The following PIK3C2G variants were observed in gnomAD, a reference collection of about 807,000 sequenced individuals.
PIK3C2G encodes phosphatidylinositol-4-phosphate 3-kinase catalytic subunit type 2 gamma.
Under a neutral mutation model 181.1 loss-of-function variants are expected in PIK3C2G, and 168 were observed. The ratio of observed to expected loss-of-function variants is 0.93; its 90% CI spans 0.82 to 1.05. The LOEUF (loss-of-function observed/expected upper bound fraction) is 1.05, where lower values mean the gene tolerates loss of function less well. Ranked by LOEUF, PIK3C2G falls within the 50% of genes least tolerant of loss-of-function variation. The pLI is 0.00. For synonymous variants in PIK3C2G, 573 were observed against 592.2 expected (o/e 0.97, Z 0.47); for missense variants, 1,869 against 1,732.8 (o/e 1.08, Z -1.40).
chr12:18,345,697 GT>G (rs758785146), intron 10 of PIK3C2G, among the ~76,000 whole-genome samples: 1 of 152,032 alleles, frequency 6.6e-6, no homozygotes, highest in Non-Finnish European at 1.5e-5. Flanking sequence ...CTTATAAAGT[GT>G]TTATTTCTAG....
Position 18,392,790 on chromosome 12 carries a change from G to T in PIK3C2G, c.2126+1538G>T, listed in dbSNP as rs531542278. Among the ~76,000 whole-genome samples the T allele has an allele frequency of 1.5e-4, 23 of 152,174 alleles. No individual in the cohort carries two copies. The South Asian group carries it at 4.6e-3, about 30-fold the overall frequency. ...TCTTGTTTATCACTATATTTCTAAT[G>T]CTATACACTGATAACAATGTGTGTG... On this transcript the variant is annotated intron_variant, in intron 15 of 32. Coordinates refer to ENST00000538779, the MANE Select transcript of PIK3C2G (RefSeq NM_001288772.2).
chr12:18,375,844 AC>A (rs1408542130), intron 13 of PIK3C2G, among the ~76,000 whole-genome samples: 1 of 152,182 alleles, frequency 6.6e-6, no homozygotes, highest in Admixed American at 6.5e-5. Flanking sequence ...CCAGCTTCAG[AC>A]CAAAGGGGCG....
the PIK3C2G span, among the ~76,000 whole-genome samples, chr12:18,721,072 T>A: frequency 7.9e-5 from 12 of 152,236 alleles, no homozygotes; most frequent in South Asian, 2.1e-3. Context: ...AAATGAATCA[T>A]GCATTGTAAC....
intron 6 of PIK3C2G, among the ~76,000 whole-genome samples, 165 bp downstream of exon 6, chr12:18,314,229 T>A: frequency 6.6e-6 from 1 of 152,136 alleles, no homozygotes; most frequent in East Asian, 1.9e-4. Flanking sequence ...TAAATATAAA[T>A]ACCTGTTAAT....
intron 18 of PIK3C2G, 56 bp downstream of exon 18, chr12:18,424,095 G>A (rs1023383254): frequency 1.0e-6 from 1 of 1,002,274 alleles, no homozygotes; most frequent in Non-Finnish European, 1.6e-6. Context: ...TTCTCTATGG[G>A]GCAGCTTTAG....
the PIK3C2G span, chr12:18,715,018 G>T: frequency 6.6e-6 from 1 of 151,844 alleles, no homozygotes; most frequent in Non-Finnish European, 1.5e-5. Flanking sequence ...TTTAGATTTA[G>T]TTCTTCTTTG....
intron 18 of PIK3C2G, among the ~76,000 whole-genome samples, chr12:18,435,766 C>T (rs1439754564): frequency 1.3e-5 from 2 of 152,008 alleles, no homozygotes; most frequent in African/African-American, 4.8e-5. Context: ...TCTTGAAATG[C>T]AGTTGTTCCC....
At chr12:18,717,644 A>G in the PIK3C2G span, among the ~76,000 whole-genome samples, 2 of 152,116 alleles carry the variant, frequency 1.3e-5, no homozygotes, top group African/African-American at 4.8e-5. Context: ...TGTTGCCTCA[A>G]ACCCTACAAT....
At chr12:18,718,059 T>C in the PIK3C2G span, among the ~76,000 whole-genome samples, 1 of 152,118 alleles carries the variant, frequency 6.6e-6, no homozygotes, top group Non-Finnish European at 1.5e-5. Flanking sequence ...GGGGGTGCTT[T>C]GGGAGTGAGG....
chr12:18,549,008 A>G (rs1162089012), intron 26 of PIK3C2G, among the ~76,000 whole-genome samples: 9 of 151,996 alleles, frequency 5.9e-5, no homozygotes, highest in Non-Finnish European at 1.2e-4. Context: ...CTCACTAGAA[A>G]CACTCCAATG....
At chr12:18,385,730 A>G (rs918717989) in intron 14 of PIK3C2G, among the ~76,000 whole-genome samples, 6 of 151,958 alleles carry the variant, frequency 3.9e-5, no homozygotes, top group African/African-American at 1.5e-4. Context: ...CACCATGCCC[A>G]GCTAATTTTT....
intron 29 of PIK3C2G, among the ~76,000 whole-genome samples, chr12:18,588,784 C>T (rs990239984): frequency 2.6e-5 from 4 of 152,074 alleles, no homozygotes; most frequent in Non-Finnish European, 4.4e-5. Context: ...CATAAAGACA[C>T]ATACACGTGT....
chr12:18,405,402 GTTGTTGTTGT>G (rs1565685064), intron 16 of PIK3C2G, among the ~76,000 whole-genome samples: 1,750 of 149,002 alleles, frequency 0.012, 36 homozygotes, highest in African/African-American at 0.043. Flanking sequence ...CATTTGTGTT[GTTGTTGTTGT>G]TGTTGTTGTT....
chr12:18,601,215 C>G (rs1240629963), intron 30 of PIK3C2G, among the ~76,000 whole-genome samples: 6 of 151,474 alleles, frequency 4.0e-5, no homozygotes, highest in African/African-American at 1.5e-4. Context: ...ATGGTCACCT[C>G]TATAGACCCT....
chr12:18,359,174 T>G (rs1250214404), intron 11 of PIK3C2G, among the ~76,000 whole-genome samples: 2 of 152,238 alleles, frequency 1.3e-5, no homozygotes, highest in African/African-American at 4.8e-5. Context: ...ATTGCCCTTT[T>G]GATTTCTTCT....
chr12:18,537,533 C>G (rs1461470243), intron 24 of PIK3C2G, among the ~76,000 whole-genome samples: 1 of 152,012 alleles, frequency 6.6e-6, no homozygotes, highest in Non-Finnish European at 1.5e-5. Context: ...TCTTATTTTT[C>G]CATCCTTAGA....
chr12:18,449,163 G>T (rs964925792), intron 18 of PIK3C2G, among the ~76,000 whole-genome samples: 2 of 151,990 alleles, frequency 1.3e-5, no homozygotes, highest in Non-Finnish European at 2.9e-5. Context: ...ATATATGCTT[G>T]CATTTATCTC....
At chr12:18,696,157 AC>A in the PIK3C2G span, 2 of 1,509,150 alleles carry the variant, frequency 1.3e-6, no homozygotes, top group South Asian at 2.3e-5. Flanking sequence ...TACCCATTTG[AC>A]AACCTATATT....
downstream of PIK3C2G, among the ~76,000 whole-genome samples, chr12:18,648,662 G>A (rs1056329326): frequency 3.9e-5 from 6 of 152,066 alleles, no homozygotes; most frequent in South Asian, 4.2e-4. Flanking sequence ...CCAGAGGCAC[G>A]ATTTAAACTT....
Sources: gnomAD v4.1 joint callset for allele counts (sites outside exome capture counted in the v4.1 genomes callset) on GRCh38, gnomAD v4.1.1 for gene constraint, MANE v1.5 for transcripts, NCBI Gene and HGNC (gene_info 2026-07-23, HGNC 2026-07-21) for gene names.